Variants in DGKH observed in about 807,000 individuals in gnomAD.
DGKH encodes the protein diacylglycerol kinase eta, also known as DAG kinase eta.
Under a neutral mutation model 159.3 loss-of-function variants are expected in DGKH, and 90 were observed. That is an observed-to-expected ratio of 0.57 (90% CI 0.48 to 0.67). The LOEUF is 0.67. Among genes scored for constraint, DGKH ranks in the 30% least tolerant of loss-of-function variants. The pLI, the probability that DGKH is intolerant of heterozygous loss-of-function variation, is 0.00. For synonymous variants in DGKH, 536 were observed against 553.8 expected (o/e 0.97, Z 0.45); for missense variants, 1,181 against 1,506.1 (o/e 0.78, Z 3.57).
At chr13:42,104,187 A>G (rs537379415) in intron 1 of DGKH, among the ~76,000 whole-genome samples, 1 of 152,326 alleles carries the variant, frequency 6.6e-6, no homozygotes, top group Non-Finnish European at 1.5e-5. Context: ...ATCCCAGTCC[A>G]AGGAAAGCTG....
At chr13:42,111,487 C>T (rs372432950) in intron 1 of DGKH, among the ~76,000 whole-genome samples, 20 of 152,010 alleles carry the variant, frequency 1.3e-4, no homozygotes, top group African/African-American at 3.9e-4. Context: ...GGTTGAGGTG[C>T]GAGAATCGCT....
At chr13:42,091,056 G>A (rs1175335293) in intron 1 of DGKH, among the ~76,000 whole-genome samples, 2 of 152,160 alleles carry the variant, frequency 1.3e-5, no homozygotes, top group African/African-American at 4.8e-5. Context: ...ATACATTTCT[G>A]TTGTTTATAA....
rs780269744 is a variant in DGKH, at chr13:42,184,887, TTA to T, written c.1539-2161_1539-2160del. ...CATCTCTAAAAATGTTTTTTTTTTT[TTA>T]AAAAAAAAGTTCTAACATTGATTAA... On this transcript the variant is annotated intron_variant, in intron 13 of 29. Transcript: ENST00000337343. 1.2e-3 allele frequency among the ~76,000 whole-genome samples: 138 copies of T among 116,748 alleles called. 2 individuals are homozygous for T. In the Middle Eastern group the frequency reaches 0.015, roughly 13 times the overall value. The allele number at this position is 116,748 out of a possible 152,430, so 76.6% of individuals were successfully genotyped here.
chr13:42,138,133 G>C, intron 3 of DGKH: 1 of 985,252 alleles, frequency 1.0e-6, no homozygotes, highest in Non-Finnish European at 1.2e-6. Context: ...TTTAGGTGCT[G>C]AAATGAATTT....
At chr13:42,207,005 TTC>T (rs1491096136) in intron 21 of DGKH, among the ~76,000 whole-genome samples, 16 of 142,568 alleles carry the variant, frequency 1.1e-4, no homozygotes, top group Non-Finnish European at 1.2e-4. Flanking sequence ...CTTTCTTTCT[TTC>T]TTTCTTTCTT....
intron 1 of DGKH, among the ~76,000 whole-genome samples, chr13:42,051,456 G>A (rs1487182347): frequency 6.6e-6 from 1 of 152,110 alleles, no homozygotes; most frequent in Non-Finnish European, 1.5e-5. Context: ...AAGAAAGTGA[G>A]AGCAATAGGG....
intron 16 of DGKH, 35 bp downstream of exon 16, chr13:42,190,560 A>T: frequency 6.4e-7 from 1 of 1,555,870 alleles, no homozygotes; most frequent in South Asian, 1.2e-5. Context: ...TTTGGAATTA[A>T]ATAAAATGTC....
chr13:42,218,494 T>C (rs7998937), intron 26 of DGKH, among the ~76,000 whole-genome samples: 42,498 of 144,216 alleles, frequency 0.29, 6,518 homozygotes, highest in African/African-American at 0.33. Flanking sequence ...TATTTGTTCA[T>C]GTGGTGACTT....
At chr13:42,193,555 A>G (rs1265479188) in intron 16 of DGKH, among the ~76,000 whole-genome samples, 2 of 152,222 alleles carry the variant, frequency 1.3e-5, no homozygotes, top group Non-Finnish European at 2.9e-5. Flanking sequence ...GTATATTAAT[A>G]TGATTGATGA....
intron 1 of DGKH, among the ~76,000 whole-genome samples, chr13:42,105,275 G>A (rs1231399382): frequency 1.3e-5 from 2 of 152,072 alleles, no homozygotes; most frequent in Non-Finnish European, 2.9e-5. Context: ...GAGAGGAAAT[G>A]AGAGCAAGTG....
Position 42,069,096 on chromosome 13 carries a change from A to G in DGKH, c.192+20131A>G, listed in dbSNP as rs1882785863. The G allele has an allele frequency of 2.1e-6, 3 of 1,400,940 alleles. 1 individual carries two copies. The South Asian group carries it at 3.5e-5, about 16-fold the overall frequency. 86.8% of individuals were successfully genotyped at this position (1,400,940 alleles called of 1,614,324 possible). On this transcript the variant is annotated intron_variant, in intron 1 of 29. Transcript: ENST00000337343. Reference sequence around the variant, plus strand: ...GGCTCGAGCTGCTTATTAAAGAGGAACTCCTCACTGTTGTTCAGAAATCCT... The same window carrying G: ...GGCTCGAGCTGCTTATTAAAGAGGAGCTCCTCACTGTTGTTCAGAAATCCT...
At chr13:42,245,631 G>A (rs541758714), downstream of DGKH, among the ~76,000 whole-genome samples, 4 of 152,158 alleles carry the variant, frequency 2.6e-5, no homozygotes, top group East Asian at 7.7e-4. Flanking sequence ...TGTTTCCCAG[G>A]CTGGAGTGCA....
intron 9 of DGKH, among the ~76,000 whole-genome samples, chr13:42,167,674 A>G (rs1314825822): frequency 1.3e-5 from 2 of 152,032 alleles, no homozygotes; most frequent in African/African-American, 2.4e-5. Flanking sequence ...TTCCTCATCT[A>G]GCCTCTCTTC....
chr13:42,146,150 C>CT (rs57139526), intron 3 of DGKH, among the ~76,000 whole-genome samples: 3,362 of 110,120 alleles, frequency 0.031, 215 homozygotes, highest in East Asian at 0.09. Context: ...TCTGGGGAGG[C>CT]TTTTTTTTTT....
intron 1 of DGKH, among the ~76,000 whole-genome samples, chr13:42,062,325 CA>C (rs1882240030): frequency 6.6e-6 from 1 of 152,012 alleles, no homozygotes; most frequent in South Asian, 2.1e-4. Context: ...TCAAAATATT[CA>C]AAATGGTTTA....
intron 1 of DGKH, among the ~76,000 whole-genome samples, chr13:42,071,584 T>G (rs780689501): frequency 2.0e-5 from 3 of 152,252 alleles, no homozygotes; most frequent in Non-Finnish European, 2.9e-5. Context: ...GCGTTTTGCT[T>G]CTTTTCTTCC....
At position 42,165,330 on chromosome 13, in the gene DGKH, G is replaced by T; in HGVS notation, c.856-1G>T. On this transcript the variant is annotated splice_acceptor_variant, in intron 7 of 29. Coordinates refer to ENST00000337343, the MANE Select transcript of DGKH (RefSeq NM_178009.5). LOFTEE classifies it high-confidence loss of function. ...TTGAAGGTATATTTGTTTGTCATTA[G>T]GTACACACTGCCTGCAAAGATTTAT... 6.5e-7 allele frequency: 1 copy of T among 1,528,214 alleles called. No individual in the cohort carries two copies. Among genetic ancestry groups the T allele is most frequent in the South Asian group, 1.3e-5 (1 of 78,964 alleles). The allele number at this position is 1,528,214 out of a possible 1,614,324, so 94.7% of individuals were successfully genotyped here.
intron 29 of DGKH, among the ~76,000 whole-genome samples, chr13:42,250,481 C>T (rs1958613398): frequency 6.6e-6 from 1 of 151,968 alleles, no homozygotes; most frequent in East Asian, 1.9e-4. Context: ...ATCACCAGCC[C>T]CTATTTTACA....
At chr13:42,105,251 CAG>C (rs148615882) in intron 1 of DGKH, among the ~76,000 whole-genome samples, 128 of 147,724 alleles carry the variant, frequency 8.7e-4, no homozygotes, top group Non-Finnish European at 8.3e-4. Context: ...AAGAGAGGGC[CAG>C]AGAGAGAGAG....
Sources: gnomAD v4.1 joint callset for allele counts (sites outside exome capture counted in the v4.1 genomes callset) on GRCh38, gnomAD v4.1.1 for gene constraint, MANE v1.5 for transcripts, NCBI Gene and HGNC (gene_info 2026-07-23, HGNC 2026-07-21) for gene names.